Variants in NUCB2 observed in about 807,000 individuals in gnomAD.
The protein encoded by NUCB2 is nucleobindin 2.
A neutral mutation model predicts 57.9 loss-of-function variants in NUCB2; 48 were observed. That is an observed-to-expected ratio of 0.83 (90% CI 0.66 to 1.05). The LOEUF (loss-of-function observed/expected upper bound fraction) is 1.05, where lower values mean the gene tolerates loss of function less well. Ranked by LOEUF, NUCB2 falls within the 50% of genes least tolerant of loss-of-function variation. NUCB2 has a pLI of 0.00. For synonymous variants in NUCB2, 139 were observed against 152.1 expected (o/e 0.91, Z 0.64); for missense variants, 442 against 476.2 (o/e 0.93, Z 0.67).
At chr11:17,314,198 TC>T (rs1948915241) in intron 10 of NUCB2, among the ~76,000 whole-genome samples, 1 of 151,834 alleles carries the variant, frequency 6.6e-6, no homozygotes. Context: ...TTTGACCACT[TC>T]CCCCCACTTC....
intron 11 of NUCB2, among the ~76,000 whole-genome samples, chr11:17,328,775 G>T (rs1033398247): frequency 2.0e-4 from 31 of 152,166 alleles, no homozygotes; most frequent in African/African-American, 7.2e-4. Context: ...GACTCCAAAA[G>T]ACTGCTTGTT....
At position 17,285,934 on chromosome 11, in the gene NUCB2, T is replaced by TACACACAC. The variant is rs140090235; in HGVS notation, c.-1+3017_-1+3024dup. Among the ~76,000 whole-genome samples the TACACACAC allele has an allele frequency of 0.015, 2,155 of 143,516 alleles. 132 individuals carry two copies. The East Asian group carries it at 0.22, about 15-fold the overall frequency. 94.2% of individuals were successfully genotyped at this position (143,516 alleles called of 152,430 possible). On this transcript the variant is annotated intron_variant, in intron 2 of 13. Coordinates refer to ENST00000529010, the MANE Select transcript of NUCB2 (RefSeq NM_005013.4). ...ACACATACATGCGCGCACGTGTGCGTACACACACACACACACACACACACA... is the reference window on the plus strand; with the variant it reads ...ACACATACATGCGCGCACGTGTGCGTACACACACACACACACACACACACACACACACA...
rs895406826 is a variant in NUCB2 at position 17,331,793 on chromosome 11, T to G, written c.*374T>G. 5.6e-6 allele frequency: 1 copy of G among 177,990 alleles called. No individual in the cohort carries two copies. Among genetic ancestry groups the G allele is most frequent in the Non-Finnish European group, 1.2e-5 (1 of 85,712 alleles). The allele number at this position is 177,990 out of a possible 1,614,324, so 11.0% of individuals were successfully genotyped here. On this transcript the variant is annotated 3_prime_UTR_variant, in exon 14 of 14. Transcript: ENST00000529010. Reference sequence around the variant, plus strand: ...TTTAAATTAGATTGCTCTCACTTACTCGTAAACATAGGTATTCTTTTATGG... The same window carrying G: ...TTTAAATTAGATTGCTCTCACTTACGCGTAAACATAGGTATTCTTTTATGG...
chr11:17,311,617 T>C (rs909010702), intron 8 of NUCB2, among the ~76,000 whole-genome samples: 10 of 152,322 alleles, frequency 6.6e-5, no homozygotes, highest in Middle Eastern at 3.4e-3. Context: ...CATAGAATAT[T>C]GCTTTACTTT....
chr11:17,300,353 A>G (rs959563061), intron 4 of NUCB2, among the ~76,000 whole-genome samples: 4 of 152,156 alleles, frequency 2.6e-5, no homozygotes, highest in African/African-American at 9.7e-5. Context: ...GAGTCGTGAA[A>G]TCATCACCAC....
chr11:17,316,005 C>T (rs2139069952), intron 11 of NUCB2, among the ~76,000 whole-genome samples: 1 of 152,164 alleles, frequency 6.6e-6, no homozygotes, highest in East Asian at 1.9e-4. Flanking sequence ...CAGAGTCTTG[C>T]TCTGTTGCCC....
At chr11:17,289,102 G>A (rs574640786) in intron 2 of NUCB2, among the ~76,000 whole-genome samples, 12 of 151,640 alleles carry the variant, frequency 7.9e-5, no homozygotes, top group East Asian at 2.0e-4. Flanking sequence ...GACTACAGGC[G>A]TGTGCCACCA....
chr11:17,314,792 T>C (rs1393617528), intron 10 of NUCB2, among the ~76,000 whole-genome samples: 1 of 152,220 alleles, frequency 6.6e-6, no homozygotes, highest in Admixed American at 6.5e-5. Flanking sequence ...GGGTCTCTGT[T>C]GACTGCTGAC....
chr11:17,288,877 GTA>G (rs1190225120), intron 2 of NUCB2, among the ~76,000 whole-genome samples: 2,019 of 34,638 alleles, frequency 0.058, 220 homozygotes, highest in Middle Eastern at 0.11. Context: ...TTAATAACAT[GTA>G]TATACACACA....
At chr11:17,285,309 T>C (rs1004810993) in intron 2 of NUCB2, among the ~76,000 whole-genome samples, 8 of 152,010 alleles carry the variant, frequency 5.3e-5, no homozygotes, top group Admixed American at 2.0e-4. Flanking sequence ...GTGAGGTGGC[T>C]CACGCCTATA....
At position 17,301,864 on chromosome 11, in the gene NUCB2, C is replaced by G. The variant is rs1239572413; in HGVS notation, c.373C>G (p.Leu125Val). ...RMLIKAKLDS[L>V]QDIGMDHQAL... ...GTTAATTAAAGCTAAGTTGGATTCC[C>G]TTCAAGGTAAGTGCTAAACAAAAGG... Residue 125 changes from leucine to valine, a missense_variant, in exon 5 of 14, where the codon CTT becomes GTT. Leu to Val is a conservative substitution (Grantham distance 32). Transcript: ENST00000529010. 1.2e-6 allele frequency: 2 copies of G among 1,611,338 alleles called. No homozygotes were observed. Among genetic ancestry groups the G allele is most frequent in the Non-Finnish European group, 1.7e-6 (2 of 1,178,824 alleles).
chr11:17,337,261 A>T (rs1020300266), intron 1 of NUCB2: 1 of 152,192 alleles, frequency 6.6e-6, no homozygotes, highest in East Asian at 1.9e-4. Flanking sequence ...TTTTTAAGAG[A>T]GGGGTTAAAA....
chr11:17,279,388 C>A (rs796135921), intron 1 of NUCB2, among the ~76,000 whole-genome samples: 46 of 152,200 alleles, frequency 3.0e-4, no homozygotes, highest in African/African-American at 9.2e-4. Flanking sequence ...AGTTAACTTC[C>A]TTCTGTATTT....
At chr11:17,288,533 T>A in intron 2 of NUCB2, among the ~76,000 whole-genome samples, 1 of 117,350 alleles carries the variant, frequency 8.5e-6, no homozygotes, top group Non-Finnish European at 1.7e-5. Context: ...TTTATCTTTT[T>A]CTTCTTCTTC....
At chr11:17,307,438 G>A (rs1348432909) in intron 5 of NUCB2, among the ~76,000 whole-genome samples, 1 of 152,158 alleles carries the variant, frequency 6.6e-6, no homozygotes, top group Non-Finnish European at 1.5e-5. Flanking sequence ...GGGATTATAG[G>A]CATGAGCCAC....
chr11:17,301,673 T>C, intron 4 of NUCB2, 71 bp from the exon 5 acceptor site: 1 of 1,136,822 alleles, frequency 8.8e-7, no homozygotes, highest in Non-Finnish European at 1.3e-6. Context: ...TGTAACCCTG[T>C]TTTTAAGCTG....
intron 8 of NUCB2, 139 bp from the exon 9 acceptor site, chr11:17,311,733 C>T: frequency 3.7e-6 from 2 of 544,620 alleles, no homozygotes; most frequent in South Asian, 6.8e-5. Context: ...AGCTTCATGA[C>T]AAAGAATAAA....
chr11:17,288,936 CACACACACACACACATATAT>C lies in NUCB2; in HGVS notation c.-1+5995_-1+6014del, dbSNP rs1944388684. Among the ~76,000 whole-genome samples, 6 of 84,564 alleles carry C rather than the reference CACACACACACACACATATAT, an allele frequency of 7.1e-5. 1 individual carries two copies. The highest frequency in any genetic ancestry group is 2.4e-4 in the African/African-American group (3 of 12,462). 55.5% of individuals were successfully genotyped at this position (84,564 alleles called of 152,430 possible). On this transcript the variant is annotated intron_variant, in intron 2 of 13. Transcript: ENST00000529010. The stretch of plus-strand genomic sequence containing the variant: ...ACACACACACACACACACACACACA[CACACACACACACACATATAT>C]ATATATATTTTTTTTTTTTGAGATG...
rs114854484 is a variant in NUCB2 at position 17,287,339 on chromosome 11, A to G, written c.-1+4396A>G. ...AGAATGAGAACCTGTCTCAAAAAAC[A>G]AAAAAGCCCTATAGAAGGTGGTAGA... On this transcript the variant is annotated intron_variant, in intron 2 of 13. Coordinates refer to ENST00000529010, the MANE Select transcript of NUCB2 (RefSeq NM_005013.4). 4.2e-3 allele frequency among the ~76,000 whole-genome samples: 637 copies of G among 152,116 alleles called. 6 individuals carry two copies. The highest frequency in any genetic ancestry group is 0.015 in the African/African-American group (611 of 41,502).
Sources: gnomAD v4.1 joint callset for allele counts (sites outside exome capture counted in the v4.1 genomes callset) on GRCh38, gnomAD v4.1.1 for gene constraint, MANE v1.5 for transcripts, NCBI Gene and HGNC (gene_info 2026-07-23, HGNC 2026-07-21) for gene names.